The following MEST variants were observed in gnomAD, a reference collection of about 807,000 sequenced individuals.
MEST encodes mesoderm specific transcript, also known as mesoderm-specific transcript homolog protein.
MEST carries 18 observed loss-of-function variants against 50.9 expected under a neutral mutation model. That is an observed-to-expected ratio of 0.35 (90% CI 0.24 to 0.52). The LOEUF (loss-of-function observed/expected upper bound fraction) is 0.52. Among genes scored for constraint, MEST ranks in the 20% least tolerant of loss-of-function variants. The pLI is 0.94. For synonymous variants in MEST, 130 were observed against 154.1 expected, an observed-to-expected ratio of 0.84 and a Z score of 1.16; for missense variants, 282 against 425.3, an observed-to-expected ratio of 0.66 and a Z score of 2.96.
chr7:130,492,300 G>T lies in MEST; in HGVS notation c.-14G>T. On this transcript the variant is annotated 5_prime_UTR_variant, in exon 1 of 12. It removes an upstream start codon present in the reference 5' UTR. Transcript: ENST00000223215. The surrounding 1 kb of genome is among the most constrained non-coding windows in gnomAD (Gnocchi z 7.6). ...TCTGCAACGCTGCGGCGGGCGGCAT[G>T]GGATAACGCGGCCATGGTGCGCCGA... 7.4e-7 allele frequency: 1 copy of T among 1,344,994 alleles called. No homozygotes were observed. The highest frequency in any genetic ancestry group is 2.1e-5 in the South Asian group (1 of 47,612). The allele number at this position is 1,344,994 out of a possible 1,614,324, so 83.3% of individuals were successfully genotyped here.
intron 2 of MEST, 112 bp downstream of exon 2, chr7:130,495,634 ATC>A (rs1198512243): frequency 3.6e-5 from 40 of 1,122,106 alleles, no homozygotes; most frequent in Admixed American, 7.2e-5. Context: ...GGAGGAGAGT[ATC>A]TCTCTCTCTT....
At chr7:130,488,072 G>A (rs1259072824), upstream of MEST, 1 of 152,226 alleles carries the variant, frequency 6.6e-6, no homozygotes, top group Non-Finnish European at 1.5e-5. Flanking sequence ...ACATAACTAG[G>A]GAAGACTGAG....
At position 130,497,172 on chromosome 7, in the gene MEST, TG is replaced by T. The variant is rs1554437229; in HGVS notation, c.200del (p.Gly67GlufsTer5). 1.2e-6 allele frequency: 2 copies of T among 1,613,030 alleles called. No individual in the cohort carries two copies. On this transcript the variant is annotated frameshift_variant, in exon 3 of 12. Transcript: ENST00000223215. LOFTEE classifies it high-confidence loss of function. This position sits in a 1 kb window ranked among gnomAD's most constrained non-coding sequence, Gnocchi z 4.0. ...TCTTCCTAGACTCTGTGGGTGTGGT[TG>T]GAAGTCCAGAGATAGTTGTGCTTTT... is the stretch of plus-strand genomic sequence containing the variant. ...IFYQDSVGVV[G>X]SPEIVVLLHG...
In MEST at chr7:130,498,251, T is replaced by C. The variant is rs368365085; in HGVS notation, c.452T>C (p.Ile151Thr). ...CTTCTTTCTCATGACTATGGAGATATTGTTGCTCAGGAGCTTCTCTACAGG... is the reference window on the plus strand; with the variant it reads ...CTTCTTTCTCATGACTATGGAGATACTGTTGCTCAGGAGCTTCTCTACAGG... ...INLLSHDYGD[I>T]VAQELLYRYK... Residue 151 changes from isoleucine to threonine, a missense_variant, in exon 5 of 12, where the codon ATT becomes ACT. Physicochemically the swap from Ile to Thr is moderately conservative, Grantham distance 89. Coordinates refer to ENST00000223215, the MANE Select transcript of MEST (RefSeq NM_002402.4). 1.9e-4 allele frequency: 308 copies of C among 1,614,070 alleles called. No individual in the cohort carries two copies. The highest frequency in any genetic ancestry group is 2.3e-4 in the Non-Finnish European group (274 of 1,180,028).
chr7:130,504,778 T>TATC (rs1170836077), intron 11 of MEST, among the ~76,000 whole-genome samples, 161 bp from the exon 12 acceptor site: 2 of 152,256 alleles, frequency 1.3e-5, no homozygotes, highest in African/African-American at 4.8e-5. Context: ...TTGGCAAGTT[T>TATC]ATCTGCCTAA....
chr7:130,496,887 T>TA (rs1472620918), intron 2 of MEST: 9 of 269,330 alleles, frequency 3.3e-5, no homozygotes, highest in Non-Finnish European at 6.3e-5. Flanking sequence ...AGATGCTGTT[T>TA]AAAAACACCT....
intron 1 of MEST, 45 bp from the exon 2 acceptor site, chr7:130,495,323 C>G (rs1554436506): frequency 6.4e-7 from 1 of 1,552,142 alleles, no homozygotes; most frequent in Non-Finnish European, 8.7e-7. Flanking sequence ...GATGAGTGGA[C>G]AATGTTACCT....
rs367773095 is a variant in MEST at position 130,499,932 on chromosome 7, T to C, written c.576+17T>C. ...CTCCAAAAGGTTGGTACTTCACTGA[T>C]AGACCTTTAGTTTTAGGATTTGTAC... On this transcript the variant is annotated intron_variant, in intron 7 of 11. Coordinates refer to ENST00000223215, the MANE Select transcript of MEST (RefSeq NM_002402.4). 59 of 1,606,186 alleles carry C rather than the reference T, an allele frequency of 3.7e-5. No homozygotes were observed. The East Asian group carries it at 6.5e-4, about 18-fold the overall frequency.
At chr7:130,504,580 T>G (rs1799404902) in intron 11 of MEST, among the ~76,000 whole-genome samples, 1 of 152,252 alleles carries the variant, frequency 6.6e-6, no homozygotes, top group African/African-American at 2.4e-5. Context: ...CCTCCTGGGA[T>G]TAAGGGAAGA....
rs1803441 is a variant in MEST at position 130,502,685 on chromosome 7, G to C, written c.791G>C (p.Arg264Pro). 1 of 1,613,908 alleles carries C rather than the reference G, an allele frequency of 6.2e-7. No homozygotes were observed. The change falls in exon 10 of 12, where the codon CGC (arginine) becomes CCC (proline). Residue 264 changes from arginine (R) to proline (P), a missense_variant. Physicochemically the swap from Arg to Pro is moderately radical, Grantham distance 103. Coordinates refer to ENST00000223215, the MANE Select transcript of MEST (RefSeq NM_002402.4). ...AATCAGAGGAAGAAGTTCAGAAGGCGCTGGGTGGGAGCTCTTGCCTCTGTA... is the reference window on the plus strand; with the variant it reads ...AATCAGAGGAAGAAGTTCAGAAGGCCCTGGGTGGGAGCTCTTGCCTCTGTA... Reference protein sequence around the residue: ...YINQRKKFRRRWVGALASVTI... With the variant: ...YINQRKKFRRPWVGALASVTI...
rs1251462271 is a variant in MEST, at chr7:130,502,686, C to G, written c.792C>G (p.Arg264=). ...YINQRKKFRR[R]WVGALASVTI... is the part of the protein sequence containing the mutation. ...ATCAGAGGAAGAAGTTCAGAAGGCG[C>G]TGGGTGGGAGCTCTTGCCTCTGTAA... The change falls in exon 10 of 12, where the codon CGC becomes CGG. Residue 264 remains arginine, a synonymous_variant. Transcript: ENST00000223215. 6.2e-7 allele frequency: 1 copy of G among 1,613,798 alleles called. No individual in the cohort carries two copies. Among genetic ancestry groups the G allele is most frequent in the Non-Finnish European group, 8.5e-7 (1 of 1,179,878 alleles).
chr7:130,502,536 C>A (rs1296771984), intron 9 of MEST, 108 bp from the exon 10 acceptor site: 2 of 813,292 alleles, frequency 2.5e-6, no homozygotes, highest in East Asian at 4.9e-5. Flanking sequence ...TAAACTGCTT[C>A]TGGATTAAGA....
At position 130,492,250 on chromosome 7, in the gene MEST, C is replaced by CT; in HGVS notation, c.-63dup. The CT allele has an allele frequency of 7.7e-7, 1 of 1,303,038 alleles. No individual in the cohort carries two copies. Among genetic ancestry groups the CT allele is most frequent in the Non-Finnish European group, 9.8e-7 (1 of 1,024,644 alleles). 80.7% of individuals were successfully genotyped at this position (1,303,038 alleles called of 1,614,324 possible). On this transcript the variant is annotated 5_prime_UTR_variant, in exon 1 of 12. Transcript: ENST00000223215. The surrounding 1 kb of genome is among the most constrained non-coding windows in gnomAD (Gnocchi z 7.6). ...CCCGCTGCTGGCCAGCTCTGCACGGCTGCGGGCTCTGCGGCGCCCGGTGCT... is the reference window on the plus strand; with the variant it reads ...CCCGCTGCTGGCCAGCTCTGCACGGCTTGCGGGCTCTGCGGCGCCCGGTGCT...
chr7:130,500,700 C>A lies in MEST; in HGVS notation c.648-89C>A. On this transcript the variant is annotated intron_variant, in intron 8 of 11. Transcript: ENST00000223215. This position sits in a 1 kb window ranked among gnomAD's most constrained non-coding sequence, Gnocchi z 5.0. ...ATCACTTATGGGTCAGACTGCATGG[C>A]CCAGACTGCATGGCCTCTGAGGTTC... is the stretch of plus-strand genomic sequence containing the variant. The A allele has an allele frequency of 8.0e-7, 1 of 1,250,028 alleles. No individual in the cohort carries two copies. The highest frequency in any genetic ancestry group is 1.1e-6 in the Non-Finnish European group (1 of 883,392). 77.4% of individuals were successfully genotyped at this position (1,250,028 alleles called of 1,614,324 possible). A position where few individuals can be genotyped will look rare whatever the true frequency, so the allele number is the denominator to read the frequency against.
In MEST at chr7:130,497,741, C is replaced by T. The variant is rs541542327; in HGVS notation, c.262-195C>T. ...AGGGATCACTGCCAAGTTACCCTCC[C>T]TCAACAGGGATTAATTACCAGGAAT... On this transcript the variant is annotated intron_variant, in intron 3 of 11. Transcript: ENST00000223215. This position sits in a 1 kb window ranked among gnomAD's most constrained non-coding sequence, Gnocchi z 4.0. The T allele has an allele frequency of 3.8e-5, 23 of 605,592 alleles. No individual in the cohort carries two copies. Among genetic ancestry groups the T allele is most frequent in the African/African-American group, 3.5e-4 (19 of 54,138 alleles). 37.5% of individuals were successfully genotyped at this position (605,592 alleles called of 1,614,324 possible).
intron 10 of MEST, among the ~76,000 whole-genome samples, chr7:130,503,674 T>C (rs1799361672): frequency 6.6e-6 from 1 of 152,114 alleles, no homozygotes. Flanking sequence ...TAGCCAAGTG[T>C]GGTGTTGCAC....
chr7:130,500,015 T>A lies in MEST; in HGVS notation c.576+100T>A. 1.0e-6 allele frequency: 1 copy of A among 967,408 alleles called. No homozygotes were observed. The highest frequency in any genetic ancestry group is 1.6e-6 in the Non-Finnish European group (1 of 637,662). 59.9% of individuals were successfully genotyped at this position (967,408 alleles called of 1,614,324 possible). A position where few individuals can be genotyped will look rare whatever the true frequency, so the allele number is the denominator to read the frequency against. ...CATAGCTCCTGTAACTGGCAGTAGT[T>A]AAATCCTCTTCCTTGTGAATTTCTA... On this transcript the variant is annotated intron_variant, in intron 7 of 11. Transcript: ENST00000223215. This position sits in a 1 kb window ranked among gnomAD's most constrained non-coding sequence, Gnocchi z 5.0.
intron 11 of MEST, 76 bp downstream of exon 11, chr7:130,504,072 G>A (rs1245194138): frequency 2.5e-6 from 3 of 1,198,938 alleles, no homozygotes; most frequent in Non-Finnish European, 3.7e-6. Flanking sequence ...GCCTGTTGAG[G>A]GCTATTGGCT....
chr7:130,498,043 G>A, intron 4 of MEST, 30 bp downstream of exon 4: 1 of 1,614,010 alleles, frequency 6.2e-7, no homozygotes, highest in Non-Finnish European at 8.5e-7. Context: ...GGCTGGTGAT[G>A]GGGTGTGGGG....
Sources: gnomAD v4.1 joint callset for allele counts (sites outside exome capture counted in the v4.1 genomes callset) on GRCh38, gnomAD v4.1.1 for gene constraint, Gnocchi (gnomAD v3.1) non-coding constraint, MANE v1.5 for transcripts, NCBI Gene and HGNC (gene_info 2026-07-23, HGNC 2026-07-21) for gene names.